ASAP1: variants seen among roughly 807,000 people sequenced by gnomAD.
ASAP1 encodes the protein ArfGAP with SH3 domain, ankyrin repeat and PH domain 1, also known as arf-GAP with SH3 domain, ANK repeat and PH domain-containing protein 1.
Under a neutral mutation model 145.2 loss-of-function variants are expected in ASAP1, and 43 were observed. The observed-to-expected ratio is 0.30, with a 90% CI of 0.23 to 0.38. The LOEUF (loss-of-function observed/expected upper bound fraction) is 0.38, where lower values mean the gene tolerates loss of function less well. ASAP1 is among the 10% of genes least tolerant of loss of function. The pLI, the probability that ASAP1 is intolerant of heterozygous loss-of-function variation, is 1.00. For missense variants in ASAP1, 1,018 were observed against 1,355.3 expected, an observed-to-expected ratio of 0.75 and a Z score of 3.91; for synonymous variants, 546 against 515.5, an observed-to-expected ratio of 1.06 and a Z score of -0.80.
At chr8:130,333,979 G>T (rs1824871180) in intron 3 of ASAP1, among the ~76,000 whole-genome samples, 1 of 152,190 alleles carries the variant, frequency 6.6e-6, no homozygotes, top group Non-Finnish European at 1.5e-5. Context: ...AACTTCTAAT[G>T]GGGACTGGGG....
In ASAP1 at chr8:130,092,066, G is replaced by A; in HGVS notation, c.2479C>T (p.Pro827Ser). ...TTGTGTCCGGGTGGTGGGGGAGGAGGCCTCTTCTTGGATAGGGTGGAGCTG... is the reference window on the plus strand; with the variant it reads ...TTGTGTCCGGGTGGTGGGGGAGGAGACCTCTTCTTGGATAGGGTGGAGCTG... ...SGSSTLSKKR[P>S]PPPPPGHKRT... The change falls in exon 25 of 30, where the codon CCT becomes TCT. Residue 827 changes from proline (P) to serine (S), a missense_variant. Coordinates refer to ENST00000518721, the MANE Select transcript of ASAP1 (RefSeq NM_018482.4). The A allele has an allele frequency of 6.4e-7, 1 of 1,571,620 alleles. No individual in the cohort carries two copies.
intron 3 of ASAP1, among the ~76,000 whole-genome samples, chr8:130,245,640 C>A (rs1212438305): frequency 6.6e-6 from 1 of 152,168 alleles, no homozygotes; most frequent in Non-Finnish European, 1.5e-5. Context: ...CCTACGTAGG[C>A]ATAAATTATC....
chr8:130,131,113 C>T (rs186784726), intron 15 of ASAP1, among the ~76,000 whole-genome samples: 43 of 151,734 alleles, frequency 2.8e-4, no homozygotes, highest in African/African-American at 9.7e-4. Context: ...GCCGAGATCG[C>T]GCCACTGCAC....
chr8:130,131,539 G>C (rs967707148), intron 15 of ASAP1, among the ~76,000 whole-genome samples: 4 of 147,574 alleles, frequency 2.7e-5, no homozygotes, highest in African/African-American at 7.6e-5. Flanking sequence ...CGAGGTGGGA[G>C]GATGGCTTGA....
intron 10 of ASAP1, among the ~76,000 whole-genome samples, chr8:130,168,025 C>T (rs2097683511): frequency 6.6e-6 from 1 of 152,150 alleles, no homozygotes; most frequent in Admixed American, 6.5e-5. Flanking sequence ...TCAAAGTTTA[C>T]ATAGCATGAA....
chr8:130,265,584 A>AC (rs2137019704), intron 3 of ASAP1, among the ~76,000 whole-genome samples: 1 of 151,428 alleles, frequency 6.6e-6, no homozygotes, highest in East Asian at 2.0e-4. Flanking sequence ...AAAAAAAAAA[A>AC]AAAAAAAAGG....
intron 3 of ASAP1, among the ~76,000 whole-genome samples, chr8:130,342,971 G>C (rs900485872): frequency 2.6e-5 from 4 of 152,194 alleles, no homozygotes; most frequent in African/African-American, 9.7e-5. Flanking sequence ...GGGCAGTACA[G>C]GTTGGGTCTG....
chr8:130,130,602 C>T (rs1327986254), intron 15 of ASAP1, among the ~76,000 whole-genome samples: 4 of 152,156 alleles, frequency 2.6e-5, no homozygotes, highest in Non-Finnish European at 5.9e-5. Context: ...TATTTTAATA[C>T]TTTAAACGTC....
rs191269169 is a variant in ASAP1, at chr8:130,253,492, T to C, written c.187-16498A>G. On this transcript the variant is annotated intron_variant, in intron 3 of 29. Transcript: ENST00000518721. ...TTTTATGTGAATGGTGGTGCTACTA[T>C]AGAAGGAAAAGAAAAGGGAGATGTA... 2.2e-3 allele frequency among the ~76,000 whole-genome samples: 331 copies of C among 152,242 alleles called. 1 individual carries two copies. Among genetic ancestry groups the C allele is most frequent in the African/African-American group, 7.6e-3 (317 of 41,554 alleles).
chr8:130,071,694 G>A (rs2097446915), intron 27 of ASAP1, among the ~76,000 whole-genome samples: 1 of 152,180 alleles, frequency 6.6e-6, no homozygotes, highest in African/African-American at 2.4e-5. Context: ...ACATGCCTGA[G>A]AGGGTGAAGC....
intron 3 of ASAP1, among the ~76,000 whole-genome samples, chr8:130,274,932 C>T (rs1050469264): frequency 2.6e-5 from 4 of 152,190 alleles, no homozygotes; most frequent in Admixed American, 2.0e-4. Flanking sequence ...TAGTCCACTA[C>T]CCTTAACTTG....
At chr8:130,321,348 A>G (rs919659864) in intron 3 of ASAP1, among the ~76,000 whole-genome samples, 3 of 152,186 alleles carry the variant, frequency 2.0e-5, no homozygotes, top group African/African-American at 7.2e-5. Context: ...GGGCTTACAC[A>G]TGAGGGTCTG....
intron 10 of ASAP1, among the ~76,000 whole-genome samples, chr8:130,168,370 C>A (rs142074216): frequency 6.6e-6 from 1 of 152,066 alleles, no homozygotes; most frequent in African/African-American, 2.4e-5. Context: ...AAATCAAAGG[C>A]GTGGTGGCTC....
intron 3 of ASAP1, among the ~76,000 whole-genome samples, chr8:130,249,395 T>A (rs10956515): frequency 1.3e-5 from 2 of 152,112 alleles, no homozygotes; most frequent in Non-Finnish European, 2.9e-5. Flanking sequence ...TGTCCTAACA[T>A]GCCAGGCTCC....
At chr8:130,198,967 T>C (rs1236184363) in intron 5 of ASAP1, among the ~76,000 whole-genome samples, 1 of 152,210 alleles carries the variant, frequency 6.6e-6, no homozygotes, top group Non-Finnish European at 1.5e-5. Flanking sequence ...CAACTCCTTT[T>C]GGCTTCTCAA....
At chr8:130,134,489 C>A in intron 14 of ASAP1, 145 bp from the exon 15 acceptor site, 1 of 480,302 alleles carries the variant, frequency 2.1e-6, no homozygotes, top group Middle Eastern at 5.3e-4. Flanking sequence ...GTGCCAGGTG[C>A]CTTGTGTATA....
chr8:130,065,553 C>T (rs1463826070), intron 27 of ASAP1, among the ~76,000 whole-genome samples: 1 of 152,184 alleles, frequency 6.6e-6, no homozygotes, highest in Non-Finnish European at 1.5e-5. Flanking sequence ...TCCAGCATTA[C>T]AACCAGACTG....
chr8:130,361,922 A>G (rs1463520196), intron 2 of ASAP1, among the ~76,000 whole-genome samples: 1 of 152,038 alleles, frequency 6.6e-6, no homozygotes, highest in African/African-American at 2.4e-5. Flanking sequence ...TAAAGCAAGC[A>G]TCATCTCTGT....
chr8:130,346,271 C>T (rs1366142027), intron 3 of ASAP1, among the ~76,000 whole-genome samples: 1 of 152,162 alleles, frequency 6.6e-6, no homozygotes, highest in Non-Finnish European at 1.5e-5. Context: ...AGCTCACCAG[C>T]CTATCATTGA....
Sources: gnomAD v4.1 joint callset for allele counts (sites outside exome capture counted in the v4.1 genomes callset) on GRCh38, gnomAD v4.1.1 for gene constraint, MANE v1.5 for transcripts, NCBI Gene and HGNC (gene_info 2026-07-23, HGNC 2026-07-21) for gene names.